Variants in GPHN observed in about 807,000 individuals in gnomAD.
The protein encoded by GPHN is gephyrin.
GPHN carries 17 observed loss-of-function variants against 95.5 expected under a neutral mutation model. The ratio of observed to expected loss-of-function variants is 0.18; its 90% CI spans 0.12 to 0.27. GPHN has a LOEUF of 0.27. Among genes scored for constraint, GPHN ranks in the 10% least tolerant of loss-of-function variants. The probability of loss-of-function intolerance (pLI) is 1.00; values close to 1 mark genes in which losing one functional copy is unlikely to be tolerated. For synonymous variants in GPHN, 320 were observed against 322.5 expected (o/e 0.99, Z 0.08); for missense variants, 660 against 978.1 (o/e 0.67, Z 4.34).
the GPHN span, chr14:67,374,325 T>A: frequency 2.1e-6 from 1 of 467,276 alleles, no homozygotes; most frequent in Non-Finnish European, 3.9e-6. Flanking sequence ...CTTGTAATAC[T>A]TATGCAGTAT....
chr14:66,910,081 T>G (rs543291487), intron 5 of GPHN, among the ~76,000 whole-genome samples: 1 of 151,946 alleles, frequency 6.6e-6, no homozygotes, highest in African/African-American at 2.4e-5. Context: ...TATTAGGTGC[T>G]ATACAATAGG....
chr14:67,536,147 T>C, the GPHN span, among the ~76,000 whole-genome samples: 1 of 148,998 alleles, frequency 6.7e-6, no homozygotes, highest in South Asian at 2.1e-4. Context: ...GGTATTGAGG[T>C]TCCTGCGGCC....
intron 4 of GPHN, among the ~76,000 whole-genome samples, chr14:66,851,107 C>T (rs573924613): frequency 6.6e-6 from 1 of 151,848 alleles, no homozygotes; most frequent in Non-Finnish European, 1.5e-5. Context: ...GTGATACTGG[C>T]ACTGTTTTTG....
At chr14:67,522,108 G>C in the GPHN span, among the ~76,000 whole-genome samples, 1 of 152,216 alleles carries the variant, frequency 6.6e-6, no homozygotes, top group Admixed American at 6.5e-5. Flanking sequence ...GGGAGGCGGA[G>C]GTTGCAGTGA....
the GPHN span, among the ~76,000 whole-genome samples, chr14:67,643,852 T>TAAAAAAA: frequency 3.7e-5 from 3 of 81,214 alleles, no homozygotes; most frequent in Non-Finnish European, 5.2e-5. Flanking sequence ...TCCTTGGGAG[T>TAAAAAAA]AAAAAAAAAA....
intron 8 of GPHN, among the ~76,000 whole-genome samples, chr14:66,958,686 T>C (rs2068694667): frequency 6.6e-6 from 1 of 152,158 alleles, no homozygotes; most frequent in South Asian, 2.1e-4. Context: ...CAGAAAAATA[T>C]AGTATTATAA....
chr14:66,526,094 A>C (rs765250676), intron 1 of GPHN, among the ~76,000 whole-genome samples: 2 of 151,388 alleles, frequency 1.3e-5, no homozygotes, highest in Non-Finnish European at 3.0e-5. Flanking sequence ...ATGGCTCACC[A>C]TACTGATTCT....
chr14:67,155,659 A>G (rs2081541293), intron 18 of GPHN, among the ~76,000 whole-genome samples: 6 of 152,194 alleles, frequency 3.9e-5, no homozygotes, highest in Admixed American at 3.9e-4. Flanking sequence ...AAGGTCAAAC[A>G]TATATGTAGA....
chr14:67,146,724 T>C (rs769651309), intron 18 of GPHN, among the ~76,000 whole-genome samples: 1 of 152,216 alleles, frequency 6.6e-6, no homozygotes, highest in Non-Finnish European at 1.5e-5. Flanking sequence ...TCTAGAGCCA[T>C]GTAGCCTTAG....
At chr14:67,473,607 G>C in the GPHN span, 1 of 1,601,202 alleles carries the variant, frequency 6.2e-7, no homozygotes, top group Non-Finnish European at 8.5e-7. The surrounding 1 kb of genome is among the most constrained non-coding windows in gnomAD (Gnocchi z 6.5). Flanking sequence ...GTCGAACTGG[G>C]AGTAGTCCCA....
intron 9 of GPHN, among the ~76,000 whole-genome samples, chr14:66,984,863 G>C (rs1428291559): frequency 7.0e-6 from 1 of 143,036 alleles, no homozygotes; most frequent in Non-Finnish European, 1.5e-5. Flanking sequence ...TTTTTTTATT[G>C]CCTCCCTCTT....
chr14:67,162,310 T>C (rs2082024933), intron 19 of GPHN, among the ~76,000 whole-genome samples: 1 of 152,232 alleles, frequency 6.6e-6, no homozygotes, highest in African/African-American at 2.4e-5. Context: ...ATCTGTAGGT[T>C]TGCTAAAATA....
At chr14:66,930,763 C>T (rs537135352) in intron 8 of GPHN, among the ~76,000 whole-genome samples, 10 of 152,204 alleles carry the variant, frequency 6.6e-5, no homozygotes, top group East Asian at 3.9e-4. Flanking sequence ...TGGGCTCAAG[C>T]GATCCACCCA....
At chr14:66,607,964 C>G (rs1053005528) in intron 1 of GPHN, among the ~76,000 whole-genome samples, 2 of 148,930 alleles carry the variant, frequency 1.3e-5, no homozygotes, top group South Asian at 4.2e-4. Flanking sequence ...TTCCATTGAT[C>G]TTTTGTATGG....
chr14:67,157,150 A>C (rs2081644470), intron 18 of GPHN, among the ~76,000 whole-genome samples: 1 of 152,104 alleles, frequency 6.6e-6, no homozygotes, highest in Non-Finnish European at 1.5e-5. Context: ...TTACAATGAA[A>C]TATAGCTGGT....
At position 67,180,822 on chromosome 14, in the gene GPHN, G is replaced by A. The variant is rs756728918; in HGVS notation, c.2195G>A (p.Arg732His). 3.7e-6 allele frequency: 6 copies of A among 1,613,712 alleles called. No individual in the cohort carries two copies. The highest frequency in any genetic ancestry group is 2.2e-5 in the South Asian group (2 of 91,034). Residue 732 changes from arginine to histidine, a missense_variant, in exon 23 of 23, where the codon CGT (arginine) becomes CAT (histidine). By Grantham distance (29) the Arg-to-His change is conservative. Transcript: ENST00000478722. ...TTTCTAGGTAATCAAATGAGCAGCCGTCTGATGAGCATGCGCAGTGCCAAT... is the reference window on the plus strand; with the variant it reads ...TTTCTAGGTAATCAAATGAGCAGCCATCTGATGAGCATGCGCAGTGCCAAT... ...AQSTGNQMSSRLMSMRSANGL... is the reference protein window; with the variant it reads ...AQSTGNQMSSHLMSMRSANGL...
At chr14:67,662,540 A>G in the GPHN span, 1 of 1,608,316 alleles carries the variant, frequency 6.2e-7, no homozygotes, top group Admixed American at 1.7e-5. Context: ...TTTCTTCTAG[A>G]AAAGATAGAT....
intron 1 of GPHN, among the ~76,000 whole-genome samples, chr14:66,609,171 G>T (rs2062673855): frequency 6.6e-6 from 1 of 152,090 alleles, no homozygotes; most frequent in East Asian, 1.9e-4. Context: ...TTATAAGGCT[G>T]GTCTAGTGGT....
At chr14:67,441,136 T>C in the GPHN span, among the ~76,000 whole-genome samples, 1 of 152,136 alleles carries the variant, frequency 6.6e-6, no homozygotes, top group Non-Finnish European at 1.5e-5. Flanking sequence ...AAAAGAAAAA[T>C]TCAACTGAAA....
Sources: allele counts gnomAD v4.1 joint callset (sites outside exome capture counted in the v4.1 genomes callset), GRCh38; gene constraint gnomAD v4.1.1; non-coding constraint Gnocchi (gnomAD v3.1); transcripts MANE v1.5; gene names NCBI Gene and HGNC (gene_info 2026-07-23, HGNC 2026-07-21).